Variants in MGAT4C observed in about 807,000 individuals in gnomAD.
MGAT4C encodes MGAT4 family member C.
Under a neutral mutation model 40.1 loss-of-function variants are expected in MGAT4C, and 19 were observed. The ratio of observed to expected loss-of-function variants is 0.47; its 90% confidence interval spans 0.33 to 0.70. MGAT4C has a LOEUF of 0.70. Among genes scored for constraint, MGAT4C ranks in the 30% least tolerant of loss-of-function variants. The pLI, the probability that MGAT4C is intolerant of heterozygous loss-of-function variation, is 0.02. For missense variants in MGAT4C, 491 were observed against 563.2 expected, an observed-to-expected ratio of 0.87 and a Z score of 1.30; for synonymous variants, 181 against 187.1, an observed-to-expected ratio of 0.97 and a Z score of 0.27.
At chr12:86,236,198 T>A (rs1333733767) in intron 1 of MGAT4C, among the ~76,000 whole-genome samples, 1 of 151,976 alleles carries the variant, frequency 6.6e-6, no homozygotes, top group African/African-American at 2.4e-5. Context: ...AATATAACAA[T>A]TTAAAGGTAG....
intron 2 of MGAT4C, among the ~76,000 whole-genome samples, chr12:86,601,666 C>A (rs922963459): frequency 1.1e-4 from 16 of 152,182 alleles, no homozygotes; most frequent in African/African-American, 3.6e-4. Context: ...GCTCACTGAG[C>A]TGTGGGCTGG....
chr12:86,344,105 C>A (rs747843798), intron 3 of MGAT4C, among the ~76,000 whole-genome samples: 3 of 152,068 alleles, frequency 2.0e-5, no homozygotes, highest in Non-Finnish European at 4.4e-5. Context: ...GTATACCCTC[C>A]CCCAATGCAG....
At chr12:86,786,658 T>A (rs570704799) in intron 1 of MGAT4C, among the ~76,000 whole-genome samples, 1 of 152,166 alleles carries the variant, frequency 6.6e-6, no homozygotes, top group African/African-American at 2.4e-5. Context: ...GCTGAAAATA[T>A]ATCTTGGCCT....
Position 86,828,551 on chromosome 12 carries a change from A to C in MGAT4C, c.-262+10115T>G, listed in dbSNP as rs1952853967. 2.0e-5 allele frequency among the ~76,000 whole-genome samples: 3 copies of C among 151,546 alleles called. No homozygotes were observed. The Admixed American group carries it at 2.0e-4, about 10-fold the overall frequency. On this transcript the variant is annotated intron_variant, in intron 1 of 7. Transcript: ENST00000548651. ...AAACACACATTCATAATGTGAATAG[A>C]GATTCTAGGAAAATGAGTACCATCT... is the stretch of plus-strand genomic sequence containing the variant.
chr12:86,683,819 A>G (rs1950024503), intron 2 of MGAT4C, among the ~76,000 whole-genome samples: 1 of 152,164 alleles, frequency 6.6e-6, no homozygotes, highest in Admixed American at 6.5e-5. Flanking sequence ...ACTCAGCACC[A>G]GTAACCTCTG....
At chr12:86,803,694 T>C (rs1172165832) in intron 1 of MGAT4C, among the ~76,000 whole-genome samples, 1 of 150,730 alleles carries the variant, frequency 6.6e-6, no homozygotes, top group African/African-American at 2.4e-5. Context: ...ATCGGAGAAA[T>C]GCAAATCAAA....
At chr12:86,119,193 A>G (rs1878939246) in intron 1 of MGAT4C, among the ~76,000 whole-genome samples, 1 of 152,120 alleles carries the variant, frequency 6.6e-6, no homozygotes, top group Non-Finnish European at 1.5e-5. Flanking sequence ...GCCTAAAATT[A>G]TCTTCTTATT....
rs949166911 is a variant in MGAT4C, at chr12:85,959,021, A to G, written c.*20268T>C. The stretch of plus-strand genomic sequence containing the variant: ...CTATGTTATTAAATCTCTGGTAACC[A>G]CTATACAATACAATACAATACAATA... On this transcript the variant is annotated 3_prime_UTR_variant, in exon 5 of 5. Transcript: ENST00000611864. 4 of 146,570 alleles carry G rather than the reference A, an allele frequency of 2.7e-5. No homozygotes were observed. Among genetic ancestry groups the G allele is most frequent in the African/African-American group, 1.0e-4 (4 of 39,310 alleles). The allele number at this position is 146,570 out of a possible 1,614,324, so 9.1% of individuals were successfully genotyped here. A position where few individuals can be genotyped will look rare whatever the true frequency, so the allele number is the denominator to read the frequency against.
At chr12:86,440,079 G>A (rs115178821) in intron 2 of MGAT4C, among the ~76,000 whole-genome samples, 3 of 152,006 alleles carry the variant, frequency 2.0e-5, no homozygotes, top group African/African-American at 4.8e-5. Flanking sequence ...CTACAGAAAC[G>A]ATTTCAAATG....
chr12:86,271,110 A>G (rs1952934924), intron 4 of MGAT4C, among the ~76,000 whole-genome samples: 2 of 152,260 alleles, frequency 1.3e-5, no homozygotes, highest in African/African-American at 4.8e-5. Flanking sequence ...TGTCTAGGCA[A>G]AACATTTATG....
intron 1 of MGAT4C, among the ~76,000 whole-genome samples, chr12:86,829,551 A>G (rs1952877518): frequency 6.6e-6 from 1 of 151,600 alleles, no homozygotes; most frequent in Non-Finnish European, 1.5e-5. Flanking sequence ...GGAGTATTCT[A>G]TATTTTTTGT....
intron 2 of MGAT4C, among the ~76,000 whole-genome samples, chr12:86,539,634 C>T (rs1401854330): frequency 6.6e-6 from 1 of 152,096 alleles, no homozygotes; most frequent in African/African-American, 2.4e-5. Flanking sequence ...GTTTACACTC[C>T]CACCAACAGT....
chr12:86,679,664 C>A (rs1949944640), intron 2 of MGAT4C, among the ~76,000 whole-genome samples: 1 of 152,148 alleles, frequency 6.6e-6, no homozygotes, highest in South Asian at 2.1e-4. Context: ...TAAAAGAGAT[C>A]TCAGAGAGCT....
chr12:86,746,577 T>C (rs910179876), intron 1 of MGAT4C, among the ~76,000 whole-genome samples: 1 of 151,724 alleles, frequency 6.6e-6, no homozygotes, highest in African/African-American at 2.4e-5. Context: ...GTTAGGACTA[T>C]TATTCACTGA....
intron 3 of MGAT4C, among the ~76,000 whole-genome samples, chr12:86,372,327 A>C (rs1955734032): frequency 6.6e-6 from 1 of 151,890 alleles, no homozygotes; most frequent in Non-Finnish European, 1.5e-5. Flanking sequence ...TTAGTGGATC[A>C]ATAAAACACA....
chr12:86,329,200 T>C (rs893798437), intron 4 of MGAT4C, among the ~76,000 whole-genome samples: 1 of 151,904 alleles, frequency 6.6e-6, no homozygotes, highest in East Asian at 1.9e-4. Flanking sequence ...AACACACTTG[T>C]TAGAGTTACA....
intron 1 of MGAT4C, among the ~76,000 whole-genome samples, chr12:86,215,668 CCTT>C (rs1008393317): frequency 1.3e-5 from 2 of 152,072 alleles, no homozygotes; most frequent in African/African-American, 4.8e-5. Context: ...TCTCTGAACT[CCTT>C]CTAGTTCTGA....
At chr12:86,518,625 G>C (rs977937322) in intron 2 of MGAT4C, among the ~76,000 whole-genome samples, 23 of 152,108 alleles carry the variant, frequency 1.5e-4, no homozygotes, top group Admixed American at 3.9e-4. Flanking sequence ...AACAGTTTGG[G>C]AGCTTTTAGA....
intron 1 of MGAT4C, among the ~76,000 whole-genome samples, chr12:86,113,969 C>T (rs1201078549): frequency 6.6e-6 from 1 of 151,842 alleles, no homozygotes; most frequent in Non-Finnish European, 1.5e-5. Context: ...GAAATCTTAG[C>T]AGTCCAAAGC....
Sources: gnomAD v4.1 joint callset for allele counts (sites outside exome capture counted in the v4.1 genomes callset) on GRCh38, gnomAD v4.1.1 for gene constraint, MANE v1.5 for transcripts, NCBI Gene and HGNC (gene_info 2026-07-23, HGNC 2026-07-21) for gene names.